Variants in APMAP observed in about 807,000 individuals in gnomAD.
APMAP encodes adipocyte plasma membrane associated protein, also known as adipocyte plasma membrane-associated protein.
Under a neutral mutation model 43.6 loss-of-function variants are expected in APMAP, and 33 were observed. The ratio of observed to expected loss-of-function variants is 0.76; its 90% CI spans 0.57 to 1.01. APMAP has a LOEUF of 1.01. Ranked by LOEUF, APMAP falls within the 50% of genes least tolerant of loss-of-function variation. APMAP has a pLI of 0.00. For synonymous variants in APMAP, 224 were observed against 216.7 expected (o/e 1.03, Z -0.30); for missense variants, 498 against 540.7 (o/e 0.92, Z 0.78).
At chr20:24,982,234 A>G (rs6138447) in intron 2 of APMAP, among the ~76,000 whole-genome samples, 2 of 118,306 alleles carry the variant, frequency 1.7e-5, no homozygotes, top group Non-Finnish European at 3.5e-5. Context: ...CTGCCATTCC[A>G]AAAGCTGAGC....
intron 1 of APMAP, 37 bp downstream of exon 1, chr20:24,992,557 G>T: frequency 6.9e-7 from 1 of 1,451,164 alleles, no homozygotes; most frequent in Non-Finnish European, 9.2e-7. Flanking sequence ...ACTCCTAGCG[G>T]CCCGGCTCCA....
chr20:24,973,507 A>G, intron 4 of APMAP, 138 bp downstream of exon 4: 1 of 764,316 alleles, frequency 1.3e-6, no homozygotes. Flanking sequence ...GCTCGTAGTG[A>G]CGTCATGTTC....
At chr20:24,975,462 T>C (rs1356081302) in intron 3 of APMAP, among the ~76,000 whole-genome samples, 1 of 152,174 alleles carries the variant, frequency 6.6e-6, no homozygotes, top group African/African-American at 2.4e-5. Flanking sequence ...GGTATAAATA[T>C]AATATAATAT....
intron 2 of APMAP, among the ~76,000 whole-genome samples, chr20:24,982,500 G>T (rs189354623): frequency 6.6e-6 from 1 of 152,296 alleles, no homozygotes; most frequent in Admixed American, 6.5e-5. Flanking sequence ...TCCTTTCAGT[G>T]TCTGGCCAGG....
rs778612872 is a variant in APMAP, at chr20:24,983,983, CAAG to C, written c.129_131del (p.Phe43del). Reference sequence around the variant, plus strand: ...GAACGGTGAGAGAAACAGCCAGCATCAAGAAGGTCACTCGGAAAACTCTGCCGC... The same window carrying C: ...GAACGGTGAGAGAAACAGCCAGCATCAAGGTCACTCGGAAAACTCTGCCGC... On this transcript the variant is annotated inframe_deletion, in exon 2 of 9. Coordinates refer to ENST00000217456, the MANE Select transcript of APMAP (RefSeq NM_020531.3). 1.2e-5 allele frequency: 20 copies of C among 1,613,902 alleles called. No individual in the cohort carries two copies. The highest frequency in any genetic ancestry group is 1.6e-5 in the Non-Finnish European group (19 of 1,179,908).
Position 24,971,563 on chromosome 20 carries a change from A to T in APMAP, c.435T>A (p.Asp145Glu). 2.5e-6 allele frequency: 4 copies of T among 1,613,060 alleles called. No homozygotes were observed. The highest frequency in any genetic ancestry group is 3.4e-6 in the Non-Finnish European group (4 of 1,178,976). ...FGSGPCKTRD[D>E]EPVCGRPLGI... Reference sequence around the variant, plus strand: ...CCAGGGGTCTCCCACACACAGGCTCATCATCTCGGGTTTCTAGAAAAACAA... The same window carrying T: ...CCAGGGGTCTCCCACACACAGGCTCTTCATCTCGGGTTTCTAGAAAAACAA... Residue 145 changes from aspartate to glutamate, a missense_variant, in exon 5 of 9, where the codon GAT (aspartate) becomes GAA (glutamate). By Grantham distance (45) the Asp-to-Glu change is conservative. Transcript: ENST00000217456.
chr20:24,988,716 A>G (rs745804351), intron 1 of APMAP, among the ~76,000 whole-genome samples: 1 of 152,168 alleles, frequency 6.6e-6, no homozygotes, highest in Non-Finnish European at 1.5e-5. Flanking sequence ...CACTAACTCT[A>G]TGCAGCTCCC....
chr20:24,969,406 T>C, intron 7 of APMAP, 120 bp downstream of exon 7: 3 of 1,421,880 alleles, frequency 2.1e-6, no homozygotes, highest in South Asian at 2.7e-5. Flanking sequence ...TTCTTTAACA[T>C]GCCATGCAGA....
At chr20:24,976,404 C>T (rs1308952859) in intron 3 of APMAP, among the ~76,000 whole-genome samples, 1 of 152,132 alleles carries the variant, frequency 6.6e-6, no homozygotes, top group African/African-American at 2.4e-5. Flanking sequence ...AGACACATCA[C>T]CAAGAAGATA....
At chr20:24,966,068 C>A (rs553282122) in intron 8 of APMAP, among the ~76,000 whole-genome samples, 2 of 152,090 alleles carry the variant, frequency 1.3e-5, no homozygotes, top group Non-Finnish European at 2.9e-5. Flanking sequence ...CCCAAAGCAG[C>A]GAGTACACTC....
At chr20:24,973,767 C>A (rs781054673) in intron 3 of APMAP, 30 bp from the exon 4 acceptor site, 32 of 1,596,696 alleles carry the variant, frequency 2.0e-5, no homozygotes, top group Non-Finnish European at 2.6e-5. Flanking sequence ...GGAGGAAGAG[C>A]AATGTTAGCC....
chr20:24,964,815 T>C (rs2087929710), intron 8 of APMAP, among the ~76,000 whole-genome samples: 1 of 152,036 alleles, frequency 6.6e-6, no homozygotes, highest in Non-Finnish European at 1.5e-5. Context: ...CAAACAAGTG[T>C]CCAACGAATA....
intron 2 of APMAP, among the ~76,000 whole-genome samples, chr20:24,982,838 C>CT (rs950593405): frequency 3.3e-5 from 5 of 152,096 alleles, no homozygotes; most frequent in African/African-American, 4.8e-5. Context: ...GGGACCCCCC[C>CT]CCGCCACCCA....
At chr20:24,991,106 G>C (rs1324396039) in intron 1 of APMAP, among the ~76,000 whole-genome samples, 1 of 152,192 alleles carries the variant, frequency 6.6e-6, no homozygotes, top group African/African-American at 2.4e-5. Flanking sequence ...GTGTGAGCCA[G>C]CCAACTTGAG....
intron 7 of APMAP, 27 bp downstream of exon 7, chr20:24,969,499 T>C: frequency 6.3e-7 from 1 of 1,590,842 alleles, no homozygotes; most frequent in Non-Finnish European, 8.6e-7. Flanking sequence ...GGCCAGTAAC[T>C]GATGGCTCAG....
At position 24,978,762 on chromosome 20, in the gene APMAP, C is replaced by G; in HGVS notation, c.328+5G>C. ...GGCTCCCCCCCCACCCAAGCTTAGA[C>G]TTACCCCCAATATGTGCTATGGACT... On this transcript the variant is annotated splice_donor_5th_base_variant and intron_variant, in intron 3 of 8. Coordinates refer to ENST00000217456, the MANE Select transcript of APMAP (RefSeq NM_020531.3). The G allele has an allele frequency of 6.9e-7, 1 of 1,442,138 alleles. No individual in the cohort carries two copies. Among genetic ancestry groups the G allele is most frequent in the Non-Finnish European group, 9.6e-7 (1 of 1,045,338 alleles). 89.3% of individuals were successfully genotyped at this position (1,442,138 alleles called of 1,614,324 possible). A position where few individuals can be genotyped will look rare whatever the true frequency, so the allele number is the denominator to read the frequency against.
At chr20:24,987,456 GA>G (rs1800137207) in intron 1 of APMAP, among the ~76,000 whole-genome samples, 1 of 152,212 alleles carries the variant, frequency 6.6e-6, no homozygotes, top group South Asian at 2.1e-4. Flanking sequence ...ATTTGTGTGG[GA>G]GGGGGAAATG....
chr20:24,982,226 G>A (rs2088110775), intron 2 of APMAP, among the ~76,000 whole-genome samples: 1 of 146,678 alleles, frequency 6.8e-6, no homozygotes, highest in African/African-American at 2.6e-5. Flanking sequence ...CAGTTCCACT[G>A]CCATTCCAAA....
Position 24,969,548 on chromosome 20 carries a change from T to C in APMAP, c.826A>G (p.Thr276Ala). The change falls in exon 7 of 9, where the codon ACA becomes GCA. Residue 276 changes from threonine to alanine, a missense_variant. Transcript: ENST00000217456. The part of the protein sequence containing the change: ...PAEDFVLVAE[T>A]TMARIRRVYV... ...CACCTTCGTATCCTGGCCATGGTTGTTTCTGCCACCAGGACAAAGTCTTCT... is the reference window on the plus strand; with the variant it reads ...CACCTTCGTATCCTGGCCATGGTTGCTTCTGCCACCAGGACAAAGTCTTCT... 2 of 1,613,278 alleles carry C rather than the reference T, an allele frequency of 1.2e-6. No homozygotes were observed. The highest frequency in any genetic ancestry group is 1.1e-5 in the South Asian group (1 of 91,060).
Sources: allele counts gnomAD v4.1 joint callset (sites outside exome capture counted in the v4.1 genomes callset), GRCh38; gene constraint gnomAD v4.1.1; transcripts MANE v1.5; gene names NCBI Gene and HGNC (gene_info 2026-07-23, HGNC 2026-07-21).